MTMR3: variants seen among roughly 807,000 people sequenced by gnomAD.
MTMR3 encodes the protein phosphatidylinositol-3,5-bisphosphate 3-phosphatase MTMR3.
Under a neutral mutation model 132.4 loss-of-function variants are expected in MTMR3, and 32 were observed. That is an observed-to-expected ratio of 0.24 (90% confidence interval 0.18 to 0.32). The LOEUF is 0.32. Among genes scored for constraint, MTMR3 ranks in the 10% least tolerant of loss-of-function variants. The pLI is 1.00. For synonymous variants in MTMR3, 556 were observed against 550.3 expected, an observed-to-expected ratio of 1.01 and a Z score of -0.14; for missense variants, 1,216 against 1,489.6, an observed-to-expected ratio of 0.82 and a Z score of 3.02.
chr22:29,928,171 CTTTT>C (rs66896756), intron 1 of MTMR3, among the ~76,000 whole-genome samples: 2 of 107,698 alleles, frequency 1.9e-5, no homozygotes, highest in African/African-American at 3.6e-5. Flanking sequence ...TTTTTTTTTT[CTTTT>C]TTTTTTTTTT....
intron 1 of MTMR3, among the ~76,000 whole-genome samples, chr22:29,890,201 T>G (rs1312306745): frequency 6.6e-6 from 1 of 151,584 alleles, no homozygotes; most frequent in Non-Finnish European, 1.5e-5. Flanking sequence ...CCACTGCACC[T>G]GGCCCAGGAT....
At chr22:29,890,665 A>G (rs866220890) in intron 1 of MTMR3, among the ~76,000 whole-genome samples, 5 of 152,118 alleles carry the variant, frequency 3.3e-5, no homozygotes, top group Non-Finnish European at 7.4e-5. Flanking sequence ...CTTGCTAGTG[A>G]TTTGTCATCT....
chr22:29,904,812 T>A (rs1197580465), intron 1 of MTMR3, among the ~76,000 whole-genome samples: 1 of 94,688 alleles, frequency 1.1e-5, no homozygotes, highest in Non-Finnish European at 2.5e-5. Context: ...GAGGGGTATG[T>A]GTGTGTGTTG....
At chr22:29,992,976 G>A (rs2066993352) in intron 7 of MTMR3, 4 of 152,216 alleles carry the variant, frequency 2.6e-5, no homozygotes, top group African/African-American at 9.7e-5. Context: ...GAGGTAAAAA[G>A]CCTGTTGTCA....
chr22:30,007,610 A>G (rs1415441269), intron 10 of MTMR3: 2 of 558,292 alleles, frequency 3.6e-6, no homozygotes, highest in South Asian at 2.2e-5. Flanking sequence ...ATGGCAGGAA[A>G]TGCCAGGCTT....
chr22:29,925,866 G>T (rs866270643), intron 1 of MTMR3, among the ~76,000 whole-genome samples: 9 of 152,128 alleles, frequency 5.9e-5, no homozygotes, highest in African/African-American at 1.9e-4. Context: ...AATGAGCTGA[G>T]ATCAAGCCAC....
At chr22:29,916,953 T>C (rs2145760038) in intron 1 of MTMR3, among the ~76,000 whole-genome samples, 2 of 152,304 alleles carry the variant, frequency 1.3e-5, no homozygotes, top group Admixed American at 1.3e-4. Flanking sequence ...GTAACTGCAG[T>C]AGTTTGAGCT....
intron 1 of MTMR3, among the ~76,000 whole-genome samples, chr22:29,932,510 G>A (rs892266814): frequency 6.6e-6 from 1 of 152,142 alleles, no homozygotes; most frequent in African/African-American, 2.4e-5. Context: ...AGGCACGGAA[G>A]TGATCAAGAC....
chr22:29,977,826 A>C (rs945330488), intron 3 of MTMR3, among the ~76,000 whole-genome samples: 17 of 152,214 alleles, frequency 1.1e-4, no homozygotes, highest in African/African-American at 4.1e-4. Flanking sequence ...TTAAAGAGAA[A>C]AAAGCATTAT....
At chr22:29,997,544 A>G (rs1415200762) in intron 7 of MTMR3, 1 of 152,228 alleles carries the variant, frequency 6.6e-6, no homozygotes, top group Non-Finnish European at 1.5e-5. Context: ...GATTTACTGA[A>G]TTTATGTTAG....
chr22:29,894,644 A>G (rs5763581), intron 1 of MTMR3, among the ~76,000 whole-genome samples: 53,458 of 151,886 alleles, frequency 0.35, 10,396 homozygotes, highest in East Asian at 0.71. Context: ...AACGATTTTT[A>G]TTATGACAGT....
rs1471135802 is a variant in MTMR3, at chr22:29,978,566, AT to A, written c.93+38del. The A allele has an allele frequency of 3.3e-6, 5 of 1,527,018 alleles. No individual in the cohort carries two copies. The Admixed American group carries it at 5.0e-5, about 15-fold the overall frequency. The allele number at this position is 1,527,018 out of a possible 1,614,324, so 94.6% of individuals were successfully genotyped here. On this transcript the variant is annotated intron_variant, in intron 4 of 19. Transcript: ENST00000401950. ...GGCCACTTTTAAATGTAAAATATTT[AT>A]TTAGCATTAACTGTATAGCAGAGTT...
At chr22:29,900,193 A>G (rs2064978814) in intron 1 of MTMR3, among the ~76,000 whole-genome samples, 1 of 152,216 alleles carries the variant, frequency 6.6e-6, no homozygotes. Context: ...ATGGAGGGCT[A>G]AAAATTCTGG....
intron 1 of MTMR3, among the ~76,000 whole-genome samples, chr22:29,893,527 C>T (rs975018325): frequency 1.3e-5 from 2 of 152,166 alleles, no homozygotes; most frequent in Non-Finnish European, 2.9e-5. Context: ...TCACCTTTGT[C>T]ATTCTCTCCA....
chr22:29,896,659 C>CT (rs777394663), intron 1 of MTMR3, among the ~76,000 whole-genome samples: 2 of 151,078 alleles, frequency 1.3e-5, no homozygotes, highest in African/African-American at 2.4e-5. Context: ...TTTCCATAGT[C>CT]TAAAAAAAAA....
At chr22:29,898,635 C>G (rs1002875846) in intron 1 of MTMR3, among the ~76,000 whole-genome samples, 48 of 152,260 alleles carry the variant, frequency 3.2e-4, no homozygotes, top group African/African-American at 1.1e-3. Context: ...CTCCTGGACT[C>G]AAGCAGTCCA....
intron 1 of MTMR3, among the ~76,000 whole-genome samples, chr22:29,935,594 A>G (rs2065732691): frequency 6.6e-6 from 1 of 152,212 alleles, no homozygotes; most frequent in Non-Finnish European, 1.5e-5. Context: ...AGAGGTAAAG[A>G]ATAGAAGTAA....
intron 1 of MTMR3, among the ~76,000 whole-genome samples, chr22:29,951,907 T>TTTTTA (rs2066088727): frequency 6.7e-6 from 1 of 148,584 alleles, no homozygotes; most frequent in Non-Finnish European, 1.5e-5. Flanking sequence ...TTTTTTTTTT[T>TTTTTA]GAGACAGTCT....
At chr22:29,904,803 A>C (rs1233582544) in intron 1 of MTMR3, among the ~76,000 whole-genome samples, 1 of 130,592 alleles carries the variant, frequency 7.7e-6, no homozygotes, top group Admixed American at 8.7e-5. Context: ...CAATGTTCAG[A>C]GGGGTATGTG....
Sources: gnomAD v4.1 joint callset for allele counts (sites outside exome capture counted in the v4.1 genomes callset) on GRCh38, gnomAD v4.1.1 for gene constraint, MANE v1.5 for transcripts, NCBI Gene and HGNC (gene_info 2026-07-23, HGNC 2026-07-21) for gene names.